The following AVIL variants were observed in gnomAD, a reference collection of about 807,000 sequenced individuals.
AVIL encodes advillin.
In AVIL, 78 loss-of-function variants were observed where a neutral mutation model predicts 109.9. That is an observed-to-expected ratio of 0.71 (90% CI 0.59 to 0.86). The LOEUF (loss-of-function observed/expected upper bound fraction) is 0.86. Among genes scored for constraint, AVIL ranks in the 40% least tolerant of loss-of-function variants. The pLI is 0.00. For synonymous variants in AVIL, 367 were observed against 379.1 expected (o/e 0.97, Z 0.37); for missense variants, 892 against 1,016.5 (o/e 0.88, Z 1.67).
chr12:57,808,996 C>G (rs1955995909), intron 9 of AVIL: 1 of 179,456 alleles, frequency 5.6e-6, no homozygotes, highest in Non-Finnish European at 1.2e-5. Flanking sequence ...GTGCCAAGAA[C>G]TGTTCTGAGT....
Position 57,810,564 on chromosome 12 carries a change from C to T in AVIL, c.559-13G>A, listed in dbSNP as rs766192332. 1 of 1,612,266 alleles carries T rather than the reference C, an allele frequency of 6.2e-7. No individual in the cohort carries two copies. Among genetic ancestry groups the T allele is most frequent in the Non-Finnish European group, 8.5e-7 (1 of 1,179,818 alleles). ...CCAGAAGCATAGCCTGTCAAAGAAG[C>T]CCAAGGAAGCCCTCAGCTCCTCTGG... On this transcript the variant is annotated splice_polypyrimidine_tract_variant and intron_variant, in intron 6 of 19. Transcript: ENST00000549994.
Position 57,797,840 on chromosome 12 carries a change from G to T in AVIL, c.*42C>A. On this transcript the variant is annotated 3_prime_UTR_variant, in exon 20 of 20. Transcript: ENST00000549994. ...TTATTTCCTGATATTGGCACTATCT[G>T]CTCTTTTCTGTGGCCTTGCAATAGG... The T allele has an allele frequency of 6.9e-7, 1 of 1,440,806 alleles. No individual in the cohort carries two copies. Among genetic ancestry groups the T allele is most frequent in the Non-Finnish European group, 9.4e-7 (1 of 1,059,714 alleles). The allele number at this position is 1,440,806 out of a possible 1,614,324, so 89.3% of individuals were successfully genotyped here.
Position 57,818,182 on chromosome 12 carries a change from C to CTTTTTTTTTTTTTTTTTTTTTTTTT in AVIL, c.-20+422_-20+446dup, listed in dbSNP as rs66731427. On this transcript the variant is annotated intron_variant, in intron 1 of 19. Coordinates refer to ENST00000549994, the MANE Select transcript of AVIL (RefSeq NM_006576.4). ...CACAGGTGTGCACCACCATGCTTGG[C>CTTTTTTTTTTTTTTTTTTTTTTTTT]TTTTTTTTTTTTTTTTTTTTTTTTT... Among the ~76,000 whole-genome samples, 5 of 35,270 alleles carry CTTTTTTTTTTTTTTTTTTTTTTTTT rather than the reference C, an allele frequency of 1.4e-4. 1 individual carries two copies. Among genetic ancestry groups the CTTTTTTTTTTTTTTTTTTTTTTTTT allele is most frequent in the Non-Finnish European group, 2.6e-4 (5 of 18,986 alleles). 23.1% of individuals were successfully genotyped at this position (35,270 alleles called of 152,430 possible). A position where few individuals can be genotyped will look rare whatever the true frequency, so the allele number is the denominator to read the frequency against.
intron 1 of AVIL, among the ~76,000 whole-genome samples, chr12:57,817,670 A>G (rs563411066): frequency 1.7e-4 from 26 of 152,270 alleles, no homozygotes; most frequent in African/African-American, 5.5e-4. Flanking sequence ...AAGCCAAACC[A>G]GCCGGCAGCA....
At chr12:57,799,952 A>G (rs762501314) in intron 18 of AVIL, 32 bp from the exon 19 acceptor site, 6 of 1,612,896 alleles carry the variant, frequency 3.7e-6, no homozygotes, top group Admixed American at 3.3e-5. Flanking sequence ...GCACAGGGAA[A>G]AGACTCCTCA....
Position 57,808,314 on chromosome 12 carries a change from A to G in AVIL, c.1094-20T>C, listed in dbSNP as rs1254553979. The G allele has an allele frequency of 6.2e-7, 1 of 1,614,174 alleles. No homozygotes were observed. The highest frequency in any genetic ancestry group is 1.7e-5 in the Admixed American group (1 of 60,022). On this transcript the variant is annotated intron_variant, in intron 10 of 19. Transcript: ENST00000549994. The stretch of plus-strand genomic sequence containing the variant: ...CTTTAGCTGTGGAGAAAGGGTTGGG[A>G]AAAGCCGAGTGAGTAAGAAGCATCT...
chr12:57,799,606 G>C (rs1955805091), intron 19 of AVIL, among the ~76,000 whole-genome samples, 189 bp downstream of exon 19: 1 of 152,194 alleles, frequency 6.6e-6, no homozygotes, highest in African/African-American at 2.4e-5. Context: ...CTAGCTGATA[G>C]ACTGATGTAG....
intron 11 of AVIL, 56 bp from the exon 12 acceptor site, chr12:57,807,783 G>C: frequency 6.2e-7 from 1 of 1,608,796 alleles, no homozygotes; most frequent in Non-Finnish European, 8.5e-7. Flanking sequence ...GAGGGGCTAG[G>C]CCACACTAAA....
intron 3 of AVIL, 151 bp from the exon 4 acceptor site, chr12:57,813,574 C>G: frequency 1.4e-6 from 1 of 732,998 alleles, no homozygotes. Flanking sequence ...GCCCTGGCCC[C>G]CGAGCAGACC....
chr12:57,803,794 C>T, intron 14 of AVIL, 125 bp from the exon 15 acceptor site: 1 of 1,311,648 alleles, frequency 7.6e-7, no homozygotes, highest in East Asian at 2.5e-5. Flanking sequence ...GTCCCTCAGC[C>T]TGGGAAGACA....
At chr12:57,818,309 G>A (rs1310991179) in intron 1 of AVIL, among the ~76,000 whole-genome samples, 1 of 148,480 alleles carries the variant, frequency 6.7e-6, no homozygotes, top group Non-Finnish European at 1.5e-5. Context: ...CAAAGTGTTG[G>A]GATTACAGGT....
intron 19 of AVIL, among the ~76,000 whole-genome samples, chr12:57,799,298 A>G (rs947771664): frequency 2.6e-5 from 4 of 152,240 alleles, no homozygotes; most frequent in Admixed American, 1.3e-4. Flanking sequence ...AGGAACAGCA[A>G]AGCAGCCGCT....
In AVIL at chr12:57,803,359, C is replaced by T. The variant is rs757001015; in HGVS notation, c.1850G>A (p.Arg617His). The T allele has an allele frequency of 1.5e-5, 25 of 1,614,038 alleles. No homozygotes were observed. In the South Asian group the frequency reaches 2.0e-4, roughly 13 times the overall value. ...GGTCTTATTGGAACATTCAAAGAGA[C>T]GAGACTGGACATCTAGGATTTCCTG... Reference protein sequence around the residue: ...LQQEILDVQSRLFECSNKTGQ... With the variant: ...LQQEILDVQSHLFECSNKTGQ... Residue 617 changes from arginine to histidine, a missense_variant, in exon 16 of 20, where the codon CGT (arginine) becomes CAT (histidine). Coordinates refer to ENST00000549994, the MANE Select transcript of AVIL (RefSeq NM_006576.4).
Position 57,810,349 on chromosome 12 carries a change from T to C in AVIL, c.761A>G (p.His254Arg), listed in dbSNP as rs776816832. The C allele has an allele frequency of 5.6e-6, 9 of 1,614,066 alleles. No individual in the cohort carries two copies. The East Asian group carries it at 1.6e-4, about 28-fold the overall frequency. ...GCTAAAACCAGGTTGAGCTACTCACTGATACAACATGATAGTTGATTTCTG... is the reference window on the plus strand; with the variant it reads ...GCTAAAACCAGGTTGAGCTACTCACCGATACAACATGATAGTTGATTTCTG... The part of the protein sequence containing the change: ...QKQKSTIMLY[H>R]ISDSAGQLAV... The change falls in exon 7 of 20, where the codon CAT becomes CGT. Residue 254 changes from histidine (H) to arginine (R), a missense_variant and splice_region_variant. By Grantham distance (29) the His-to-Arg change is conservative. Coordinates refer to ENST00000549994, the MANE Select transcript of AVIL (RefSeq NM_006576.4).
At chr12:57,816,601 C>T (rs1018407433) in intron 1 of AVIL, 1 of 151,864 alleles carries the variant, frequency 6.6e-6, no homozygotes, top group African/African-American at 2.4e-5. Context: ...TATTTCCAAA[C>T]TCAGTTGCCT....
chr12:57,808,421 C>T lies in AVIL; in HGVS notation c.1067G>A (p.Gly356Glu), dbSNP rs542383315. Residue 356 changes from glycine (G) to glutamate (E), a missense_variant, in exon 10 of 20, where the codon GGG becomes GAG. Coordinates refer to ENST00000549994, the MANE Select transcript of AVIL (RefSeq NM_006576.4). The stretch of plus-strand genomic sequence containing the variant: ...AATTTTACCAATGCTGAACGTTTTC[C>T]CCAGGCCCATGGTCTGGTCCTTTAC... ...WSVKDQTMGL[G>E]KTFSIGKIAK... 34 of 1,614,144 alleles carry T rather than the reference C, an allele frequency of 2.1e-5. No homozygotes were observed. In the African/African-American group the frequency reaches 4.5e-4, roughly 22 times the overall value.
intron 16 of AVIL, among the ~76,000 whole-genome samples, chr12:57,802,925 C>T (rs1037254085): frequency 6.6e-6 from 1 of 152,160 alleles, no homozygotes; most frequent in Admixed American, 6.5e-5. Context: ...TTTGTTCCCC[C>T]AAAGGCCCAT....
chr12:57,807,567 G>T, intron 12 of AVIL, 23 bp downstream of exon 12: 1 of 1,614,264 alleles, frequency 6.2e-7, no homozygotes. Flanking sequence ...AGGATCCAAA[G>T]CTGAAGCCTG....
intron 14 of AVIL, chr12:57,805,928 C>G (rs574764627): frequency 6.2e-6 from 1 of 161,814 alleles, no homozygotes; most frequent in African/African-American, 2.4e-5. Context: ...ACCTCCGCCC[C>G]CTGGTTCAAG....
Sources: gnomAD v4.1 joint callset for allele counts (sites outside exome capture counted in the v4.1 genomes callset) on GRCh38, gnomAD v4.1.1 for gene constraint, MANE v1.5 for transcripts, NCBI Gene and HGNC (gene_info 2026-07-23, HGNC 2026-07-21) for gene names.